TRPC6: variants seen among roughly 807,000 people sequenced by gnomAD.
TRPC6 encodes transient receptor potential cation channel subfamily C member 6.
A neutral mutation model predicts 90.7 loss-of-function variants in TRPC6; 55 were observed. The ratio of observed to expected loss-of-function variants is 0.61; its 90% CI spans 0.49 to 0.76. TRPC6 has a LOEUF of 0.76. Among genes scored for constraint, TRPC6 ranks in the 30% least tolerant of loss-of-function variants. The pLI is 0.00. For synonymous variants in TRPC6, 393 were observed against 393.0 expected (o/e 1.00, Z 0.00); for missense variants, 989 against 1,122.7 (o/e 0.88, Z 1.70).
chr11:101,511,219 T>C (rs115378538), intron 1 of TRPC6, among the ~76,000 whole-genome samples: 1,674 of 152,304 alleles, frequency 0.011, 42 homozygotes, highest in African/African-American at 0.038. Flanking sequence ...GTTCTCATTT[T>C]ACAACACTGA....
chr11:101,579,410 A>G (rs1862143302), intron 1 of TRPC6, among the ~76,000 whole-genome samples: 1 of 152,170 alleles, frequency 6.6e-6, no homozygotes, highest in African/African-American at 2.4e-5. Flanking sequence ...TGCATGTCTT[A>G]TATCTACTCA....
chr11:101,515,593 T>C (rs906329122), intron 1 of TRPC6, among the ~76,000 whole-genome samples: 1 of 113,870 alleles, frequency 8.8e-6, no homozygotes, highest in Admixed American at 8.1e-5. Context: ...AGCACCCTAG[T>C]TTGTCACAGT....
At chr11:101,548,383 ATATAT>A (rs1346355958) in intron 1 of TRPC6, among the ~76,000 whole-genome samples, 6 of 143,148 alleles carry the variant, frequency 4.2e-5, no homozygotes, top group Non-Finnish European at 6.1e-5. Flanking sequence ...TAATATATAA[ATATAT>A]TATGTATAAT....
At chr11:101,570,275 T>G (rs1007974278) in intron 1 of TRPC6, among the ~76,000 whole-genome samples, 1 of 152,096 alleles carries the variant, frequency 6.6e-6, no homozygotes, top group African/African-American at 2.4e-5. Flanking sequence ...AAATCTAGAA[T>G]AAATGGATAA....
chr11:101,573,641 C>G (rs1675752658), intron 1 of TRPC6, among the ~76,000 whole-genome samples: 1 of 152,132 alleles, frequency 6.6e-6, no homozygotes, highest in South Asian at 2.1e-4. Flanking sequence ...TCTTCTTTCT[C>G]ATTTACAGTA....
intron 2 of TRPC6, 102 bp from the exon 3 acceptor site, chr11:101,491,840 T>A: frequency 1.2e-6 from 1 of 853,596 alleles, no homozygotes; most frequent in Non-Finnish European, 1.6e-6. Context: ...AACATTCTTT[T>A]TTTTTTTTTT....
In TRPC6 at chr11:101,532,549, G is replaced by T. The variant is rs150675048; in HGVS notation, c.171-27751C>A. Among the ~76,000 whole-genome samples, 1,312 of 152,282 alleles carry T rather than the reference G, an allele frequency of 8.6e-3. 18 individuals are homozygous for T. Among genetic ancestry groups the T allele is most frequent in the African/African-American group, 0.031 (1,268 of 41,544 alleles). On this transcript the variant is annotated intron_variant, in intron 1 of 12. Coordinates refer to ENST00000344327, the MANE Select transcript of TRPC6 (RefSeq NM_004621.6). The stretch of plus-strand genomic sequence containing the variant: ...CATGAGAACAACTGAAAGATGCATG[G>T]CCTGTTCATCAGGACTGTCCAAGAG...
At chr11:101,480,275 T>C (rs1248365399) in intron 5 of TRPC6, among the ~76,000 whole-genome samples, 1 of 152,192 alleles carries the variant, frequency 6.6e-6, no homozygotes, top group Non-Finnish European at 1.5e-5. Context: ...AAAATATAAC[T>C]CACTGAACTC....
At chr11:101,453,831 A>C in intron 11 of TRPC6, 106 bp from the exon 12 acceptor site, 1 of 1,034,508 alleles carries the variant, frequency 9.7e-7, no homozygotes, top group Non-Finnish European at 1.5e-6. Flanking sequence ...GCCCTTTGGA[A>C]GTGATGGCTG....
chr11:101,517,071 T>C (rs1373695967), intron 1 of TRPC6, among the ~76,000 whole-genome samples: 1 of 152,238 alleles, frequency 6.6e-6, no homozygotes, highest in Non-Finnish European at 1.5e-5. Flanking sequence ...AAGCTACCCA[T>C]TATGTTGAAC....
intron 1 of TRPC6, among the ~76,000 whole-genome samples, chr11:101,536,407 A>C (rs11224822): frequency 0.43 from 50,709 of 117,780 alleles, 8,904 homozygotes; most frequent in Non-Finnish European, 0.51. Context: ...CCTCCCCCCC[A>C]CCAAAAAAAA....
In TRPC6 at chr11:101,473,502, C is replaced by A; in HGVS notation, c.2009+7G>T. The A allele has an allele frequency of 6.2e-7, 1 of 1,612,720 alleles. No homozygotes were observed. The highest frequency in any genetic ancestry group is 8.5e-7 in the Non-Finnish European group (1 of 1,179,194). Reference sequence around the variant, plus strand: ...TAACTATCATCAAAATATCTGAGATCACATACGTTGTGAAGGCTTCATTTT... The same window carrying A: ...TAACTATCATCAAAATATCTGAGATAACATACGTTGTGAAGGCTTCATTTT... On this transcript the variant is annotated splice_region_variant and intron_variant, in intron 7 of 12. Coordinates refer to ENST00000344327, the MANE Select transcript of TRPC6 (RefSeq NM_004621.6).
intron 6 of TRPC6, among the ~76,000 whole-genome samples, chr11:101,474,623 A>T (rs1019131515): frequency 3.9e-5 from 6 of 152,162 alleles, no homozygotes; most frequent in South Asian, 2.1e-4. Context: ...AGTGCATTTT[A>T]AAAAATCTTA....
At chr11:101,481,407 A>G (rs1004626769) in intron 5 of TRPC6, among the ~76,000 whole-genome samples, 10 of 152,204 alleles carry the variant, frequency 6.6e-5, no homozygotes, top group African/African-American at 2.4e-4. Context: ...ACTTTATTCA[A>G]AACCCAAATA....
intron 2 of TRPC6, among the ~76,000 whole-genome samples, chr11:101,497,784 G>T (rs996815705): frequency 6.6e-6 from 1 of 152,018 alleles, no homozygotes. Flanking sequence ...GTGGTTTGCT[G>T]CACCTGTCCA....
intron 1 of TRPC6, among the ~76,000 whole-genome samples, chr11:101,563,626 T>C (rs1861764072): frequency 6.6e-6 from 1 of 152,154 alleles, no homozygotes; most frequent in African/African-American, 2.4e-5. Flanking sequence ...AATTTATAAA[T>C]TTTAAAAGTC....
At chr11:101,500,058 T>C (rs1274387482) in intron 2 of TRPC6, among the ~76,000 whole-genome samples, 2 of 113,634 alleles carry the variant, frequency 1.8e-5, no homozygotes, top group African/African-American at 7.3e-5. Flanking sequence ...ATAAAATATG[T>C]GTGTGTGTAT....
chr11:101,478,101 A>ATGTC (rs1395255037), intron 5 of TRPC6, among the ~76,000 whole-genome samples: 3 of 152,244 alleles, frequency 2.0e-5, no homozygotes, highest in African/African-American at 7.2e-5. Context: ...TTTGTCCTAA[A>ATGTC]TGTCAGTCAC....
In TRPC6 at chr11:101,455,117, A is replaced by G. The variant is rs201774775; in HGVS notation, c.2485-16T>C. On this transcript the variant is annotated splice_polypyrimidine_tract_variant and intron_variant, in intron 10 of 12. Transcript: ENST00000344327. ...TGTGCCCAACCTGTAATTTGAAAAG[A>G]TTTAGAAATGGATTCCTACTTACAT... 6.8e-5 allele frequency: 109 copies of G among 1,597,486 alleles called. No homozygotes were observed. Among genetic ancestry groups the G allele is most frequent in the Non-Finnish European group, 8.9e-5 (104 of 1,165,848 alleles).
Sources: gnomAD v4.1 joint callset for allele counts (sites outside exome capture counted in the v4.1 genomes callset) on GRCh38, gnomAD v4.1.1 for gene constraint, MANE v1.5 for transcripts, NCBI Gene and HGNC (gene_info 2026-07-23, HGNC 2026-07-21) for gene names.